The following CSGALNACT1 variants were observed in gnomAD, a reference collection of about 807,000 sequenced individuals.
The protein encoded by CSGALNACT1 is beta4GalNAcT-1.
In CSGALNACT1, 52 loss-of-function variants were observed where a neutral mutation model predicts 51.0. That is an observed-to-expected ratio of 1.02 (90% confidence interval 0.82 to 1.29). CSGALNACT1 has a LOEUF of 1.29. CSGALNACT1 is among the 50% of genes most tolerant of loss of function. CSGALNACT1 has a pLI of 0.00. For synonymous variants in CSGALNACT1, 341 were observed against 254.4 expected, an observed-to-expected ratio of 1.34 and a Z score of -3.24; for missense variants, 935 against 679.2, an observed-to-expected ratio of 1.38 and a Z score of -4.19.
At chr8:19,491,090 A>G (rs2153962204) in intron 4 of CSGALNACT1, among the ~76,000 whole-genome samples, 1 of 152,288 alleles carries the variant, frequency 6.6e-6, no homozygotes, top group East Asian at 1.9e-4. Context: ...CTCAGGAAAA[A>G]AAAAAAAACC....
At chr8:19,471,793 G>A (rs1374983171) in intron 4 of CSGALNACT1, among the ~76,000 whole-genome samples, 2 of 152,142 alleles carry the variant, frequency 1.3e-5, no homozygotes, top group South Asian at 2.1e-4. Context: ...AAGAGATGGG[G>A]AAGAAACAGA....
chr8:19,438,774 T>C (rs1276280804), intron 6 of CSGALNACT1, among the ~76,000 whole-genome samples: 1 of 152,224 alleles, frequency 6.6e-6, no homozygotes, highest in Non-Finnish European at 1.5e-5. Context: ...CAGTGGGCTG[T>C]AGTTTGCTGA....
At chr8:19,578,100 C>G (rs2044693515) in intron 3 of CSGALNACT1, among the ~76,000 whole-genome samples, 1 of 152,192 alleles carries the variant, frequency 6.6e-6, no homozygotes, top group Non-Finnish European at 1.5e-5. Flanking sequence ...CCTTCGTGGT[C>G]CAGGCGCAGG....
intron 5 of CSGALNACT1, among the ~76,000 whole-genome samples, chr8:19,449,384 A>C (rs1439901339): frequency 2.0e-5 from 3 of 152,140 alleles, no homozygotes; most frequent in Non-Finnish European, 2.9e-5. Flanking sequence ...ATGGCAGGAG[A>C]ACTAGACTAT....
At chr8:19,531,136 T>C (rs2082691866) in intron 3 of CSGALNACT1, among the ~76,000 whole-genome samples, 3 of 152,220 alleles carry the variant, frequency 2.0e-5, no homozygotes, top group African/African-American at 7.2e-5. Context: ...CCAGGGAGCT[T>C]GAAACTCTTC....
At chr8:19,568,432 T>A (rs1208043366) in intron 3 of CSGALNACT1, among the ~76,000 whole-genome samples, 1 of 152,166 alleles carries the variant, frequency 6.6e-6, no homozygotes, top group Non-Finnish European at 1.5e-5. Context: ...CCAGACATCA[T>A]TATGCGGTGC....
chr8:19,433,734 T>C (rs991950593), intron 6 of CSGALNACT1, among the ~76,000 whole-genome samples: 2 of 152,214 alleles, frequency 1.3e-5, no homozygotes, highest in African/African-American at 4.8e-5. Flanking sequence ...CAGGACAGCT[T>C]TGAATGCAAC....
chr8:19,588,663 C>A (rs1044353194), intron 3 of CSGALNACT1, among the ~76,000 whole-genome samples: 10 of 152,168 alleles, frequency 6.6e-5, no homozygotes, highest in African/African-American at 2.4e-4. Context: ...CATTCTAGAT[C>A]TAGGAATCCA....
chr8:19,739,294 T>C (rs1490778978), intron 1 of CSGALNACT1, among the ~76,000 whole-genome samples: 1 of 152,060 alleles, frequency 6.6e-6, no homozygotes, highest in Non-Finnish European at 1.5e-5. Flanking sequence ...TGTATGACAT[T>C]GACTCTAAAG....
exon 10 of CSGALNACT1, chr8:19,405,706 T>C: frequency 5.7e-6 from 9 of 1,590,640 alleles, no homozygotes; most frequent in Non-Finnish European, 7.7e-6. Flanking sequence ...ATGGAAGTCT[T>C]TTCTCTGTTG....
chr8:19,644,709 C>CAAAAAAA (rs756025465), intron 1 of CSGALNACT1, among the ~76,000 whole-genome samples: 4 of 22,274 alleles, frequency 1.8e-4, no homozygotes, highest in African/African-American at 5.2e-4. Flanking sequence ...GACTCCGTCT[C>CAAAAAAA]AAAAAAAAAA....
chr8:19,444,905 G>C (rs1423622553), intron 5 of CSGALNACT1, among the ~76,000 whole-genome samples: 1 of 152,184 alleles, frequency 6.6e-6, no homozygotes, highest in Non-Finnish European at 1.5e-5. Flanking sequence ...GCAGAGGTAA[G>C]AAAGAAGAGA....
chr8:19,576,890 T>C (rs1200148704), intron 3 of CSGALNACT1, among the ~76,000 whole-genome samples: 3 of 152,030 alleles, frequency 2.0e-5, no homozygotes, highest in African/African-American at 4.8e-5. Flanking sequence ...CTGCTCTCCA[T>C]TAGCACTGGG....
At chr8:19,434,621 C>A (rs1250633730) in intron 6 of CSGALNACT1, among the ~76,000 whole-genome samples, 2 of 152,164 alleles carry the variant, frequency 1.3e-5, no homozygotes, top group Non-Finnish European at 2.9e-5. Context: ...CACATCTCCA[C>A]AAAGAGTTGG....
At chr8:19,661,123 C>G (rs956784027) in intron 1 of CSGALNACT1, among the ~76,000 whole-genome samples, 4 of 151,760 alleles carry the variant, frequency 2.6e-5, no homozygotes. Context: ...ACCATGTTGG[C>G]CAGGATGGTC....
chr8:19,642,824 AGGCTTATTC>A (rs2056882394), intron 1 of CSGALNACT1, among the ~76,000 whole-genome samples: 1 of 151,996 alleles, frequency 6.6e-6, no homozygotes, highest in Non-Finnish European at 1.5e-5. Context: ...GGGGACACAA[AGGCTTATTC>A]AACAACAACA....
At chr8:19,420,878 G>A (rs535599619) in intron 6 of CSGALNACT1, among the ~76,000 whole-genome samples, 2 of 152,278 alleles carry the variant, frequency 1.3e-5, no homozygotes, top group East Asian at 3.9e-4. Flanking sequence ...TGAGCCAACC[G>A]AATGAGGCCA....
intron 3 of CSGALNACT1, among the ~76,000 whole-genome samples, chr8:19,552,959 T>C (rs1038562316): frequency 6.6e-6 from 1 of 152,160 alleles, no homozygotes; most frequent in Admixed American, 6.6e-5. Flanking sequence ...TCAGGATACA[T>C]GGAAGACACA....
intron 4 of CSGALNACT1, among the ~76,000 whole-genome samples, chr8:19,474,809 G>T (rs1315547102): frequency 7.2e-6 from 1 of 138,162 alleles, no homozygotes; most frequent in Non-Finnish European, 1.5e-5. Flanking sequence ...GGAGGTTGCA[G>T]TGAGCTGAGA....
Sources: gnomAD v4.1 joint callset for allele counts (sites outside exome capture counted in the v4.1 genomes callset) on GRCh38, gnomAD v4.1.1 for gene constraint, MANE v1.5 for transcripts, NCBI Gene and HGNC (gene_info 2026-07-23, HGNC 2026-07-21) for gene names.